DNAH14: variants seen among roughly 807,000 people sequenced by gnomAD.
DNAH14 encodes the protein dynein axonemal heavy chain 14.
Under a neutral mutation model 520.9 loss-of-function variants are expected in DNAH14, and 478 were observed. The observed-to-expected ratio is 0.92, with a 90% confidence interval of 0.85 to 0.99. The LOEUF is 0.99. Ranked by LOEUF, DNAH14 falls within the 50% of genes least tolerant of loss-of-function variation. DNAH14 has a pLI of 0.00. For missense variants in DNAH14, 4,831 were observed against 5,234.5 expected (o/e 0.92, Z 2.38); for synonymous variants, 1,581 against 1,757.2 (o/e 0.90, Z 2.51).
intron 60 of DNAH14, among the ~76,000 whole-genome samples, chr1:225,315,951 C>T (rs2094459695): frequency 6.6e-6 from 1 of 152,198 alleles, no homozygotes; most frequent in South Asian, 2.1e-4. Context: ...GCTGCGGCCA[C>T]AGCTGCCCCT....
chr1:225,374,078 C>CA lies in DNAH14; in HGVS notation c.12319-609dup, dbSNP rs1371977879. On this transcript the variant is annotated intron_variant, in intron 77 of 85. Coordinates refer to ENST00000682510, the MANE Select transcript of DNAH14 (RefSeq NM_001367479.1). ...TAGCCAAGATCACACCACTGCACTC[C>CA]AGCCTGGGCAACAGAGTGAGACCCT... is the stretch of plus-strand genomic sequence containing the variant. 2.2e-5 allele frequency among the ~76,000 whole-genome samples: 3 copies of CA among 137,766 alleles called. No individual in the cohort carries two copies. In the East Asian group the frequency reaches 6.8e-4, roughly 31 times the overall value. 90.4% of individuals were successfully genotyped at this position (137,766 alleles called of 152,430 possible).
chr1:225,329,589 G>A (rs1269735566), intron 64 of DNAH14, among the ~76,000 whole-genome samples: 2 of 152,012 alleles, frequency 1.3e-5, no homozygotes, highest in African/African-American at 2.4e-5. Flanking sequence ...AAATGGTGCT[G>A]GATATCTATA....
At chr1:225,101,703 T>C (rs2075477368) in intron 23 of DNAH14, among the ~76,000 whole-genome samples, 2 of 152,188 alleles carry the variant, frequency 1.3e-5, no homozygotes, top group South Asian at 2.1e-4. Flanking sequence ...TTCTCTTTTA[T>C]GGCCGAATAG....
Position 225,023,138 on chromosome 1 carries a change from A to T in DNAH14, c.1108-477A>T, listed in dbSNP as rs909475382. Among the ~76,000 whole-genome samples the T allele has an allele frequency of 3.9e-5, 6 of 152,102 alleles. No homozygotes were observed. In the East Asian group the frequency reaches 1.2e-3, roughly 29 times the overall value. On this transcript the variant is annotated intron_variant, in intron 10 of 85. Coordinates refer to ENST00000682510, the MANE Select transcript of DNAH14 (RefSeq NM_001367479.1). ...TGGGTTAAAAGGCAACCTATTGTTG[A>T]CTATGCTCACTACCCATGTGATGGG...
intron 77 of DNAH14, among the ~76,000 whole-genome samples, chr1:225,373,853 C>T (rs557523809): frequency 1.3e-5 from 2 of 151,476 alleles, no homozygotes; most frequent in Non-Finnish European, 2.9e-5. Context: ...AGGGCAGGCA[C>T]GGTGCCTCAT....
chr1:225,347,051 T>C (rs1476828417), intron 71 of DNAH14, among the ~76,000 whole-genome samples: 3 of 152,244 alleles, frequency 2.0e-5, no homozygotes, highest in African/African-American at 7.2e-5. Context: ...TATTTAATTA[T>C]TGAATCTTCT....
At chr1:225,167,336 T>A (rs950837549) in intron 35 of DNAH14, among the ~76,000 whole-genome samples, 2 of 152,224 alleles carry the variant, frequency 1.3e-5, no homozygotes, top group Non-Finnish European at 2.9e-5. Flanking sequence ...TAGTTACCAA[T>A]TCTATCTACA....
At chr1:224,955,151 A>C in intron 3 of DNAH14, 53 bp downstream of exon 3, 1 of 1,545,562 alleles carries the variant, frequency 6.5e-7, no homozygotes, top group Non-Finnish European at 8.8e-7. Context: ...TAGTTTATGG[A>C]AATTGAAAGA....
intron 77 of DNAH14, among the ~76,000 whole-genome samples, chr1:225,370,027 C>T (rs1248419466): frequency 6.6e-6 from 1 of 152,064 alleles, no homozygotes; most frequent in African/African-American, 2.4e-5. Flanking sequence ...CGGTGGCTCA[C>T]GCCCATAATC....
chr1:224,956,734 A>G (rs767583585), intron 3 of DNAH14, among the ~76,000 whole-genome samples: 6 of 152,076 alleles, frequency 3.9e-5, no homozygotes, highest in Non-Finnish European at 5.9e-5. Flanking sequence ...GAAGATGGGT[A>G]TATTTGATTT....
chr1:225,127,805 G>A lies in DNAH14; in HGVS notation c.4254+4191G>A, dbSNP rs142560500. Among the ~76,000 whole-genome samples, 1,084 of 152,154 alleles carry A rather than the reference G, an allele frequency of 7.1e-3. 9 individuals carry two copies. The highest frequency in any genetic ancestry group is 0.024 in the African/African-American group (1,015 of 41,514). On this transcript the variant is annotated intron_variant, in intron 27 of 85. Coordinates refer to ENST00000682510, the MANE Select transcript of DNAH14 (RefSeq NM_001367479.1). ...GTTGATGCAGTTTCTTCCTAGTCTCGATGATCTTTACATTTTGGCATGATT... is the reference window on the plus strand; with the variant it reads ...GTTGATGCAGTTTCTTCCTAGTCTCAATGATCTTTACATTTTGGCATGATT...
chr1:225,168,181 T>A (rs1034346432), intron 36 of DNAH14, among the ~76,000 whole-genome samples, 153 bp downstream of exon 36: 3 of 152,168 alleles, frequency 2.0e-5, no homozygotes, highest in Admixed American at 1.3e-4. Flanking sequence ...GGCTTTATTA[T>A]TTGGGTTCCA....
rs41268715 is a variant in DNAH14, at chr1:225,333,399, G to C, written c.9973G>C (p.Glu3325Gln). 0.049 allele frequency: 76,111 copies of C among 1,551,550 alleles called. 2,067 individuals are homozygous for C. Among genetic ancestry groups the C allele is most frequent in the South Asian group, 0.067 (5,592 of 84,056 alleles). Residue 3325 changes from glutamate (E) to glutamine (Q), a missense_variant, in exon 66 of 86, where the codon GAA becomes CAA. By Grantham distance (29) the Glu-to-Gln change is conservative. Transcript: ENST00000682510. ...TGTCTACAGTGGAATTTTAACACCA[G>C]AATTTCGCCAGTTGATTGTGAATAA... The part of the protein sequence containing the change: ...CIVYSGILTP[E>Q]FRQLIVNKWE...
intron 17 of DNAH14, among the ~76,000 whole-genome samples, chr1:225,072,449 G>T (rs1265038941): frequency 1.3e-5 from 2 of 152,122 alleles, no homozygotes; most frequent in Non-Finnish European, 2.9e-5. Flanking sequence ...GTTTTAAGAT[G>T]ATTTTTAGCT....
At chr1:225,023,916 A>C (rs1365219821) in intron 11 of DNAH14, 51 bp downstream of exon 11, 1 of 1,477,222 alleles carries the variant, frequency 6.8e-7, no homozygotes, top group Non-Finnish European at 9.0e-7. Flanking sequence ...TAATATTTTA[A>C]CATTGCCACA....
At chr1:224,976,922 C>T (rs1251864133) in intron 8 of DNAH14, among the ~76,000 whole-genome samples, 8 of 151,444 alleles carry the variant, frequency 5.3e-5, no homozygotes, top group African/African-American at 1.9e-4. Context: ...TTGTGGAAGT[C>T]AGTGTGGCGA....
intron 23 of DNAH14, among the ~76,000 whole-genome samples, chr1:225,114,739 T>C (rs576067432): frequency 6.6e-6 from 1 of 152,258 alleles, no homozygotes; most frequent in East Asian, 1.9e-4. Context: ...AGCTGAGTTA[T>C]GTCCAGTGTT....
chr1:225,360,844 C>T lies in DNAH14; in HGVS notation c.11940C>T (p.Cys3980=), dbSNP rs903385162. ...AACAATGGGTCTTCCTCCAGAACTGCCATCTTGCAACATCATTTATGCCAA... is the reference window on the plus strand; with the variant it reads ...AACAATGGGTCTTCCTCCAGAACTGTCATCTTGCAACATCATTTATGCCAA... ...KTQQWVFLQN[C]HLATSFMPRL... The change falls in exon 75 of 86, where the codon TGC becomes TGT. Residue 3980 remains cysteine, a synonymous_variant. Transcript: ENST00000682510. 4.5e-6 allele frequency: 7 copies of T among 1,551,690 alleles called. No individual in the cohort carries two copies. The highest frequency in any genetic ancestry group is 6.1e-6 in the Non-Finnish European group (7 of 1,146,984).
chr1:225,094,290 G>A (rs1342103600), intron 21 of DNAH14, among the ~76,000 whole-genome samples: 1 of 151,954 alleles, frequency 6.6e-6, no homozygotes, highest in Non-Finnish European at 1.5e-5. Context: ...ACATAGAACA[G>A]TGGAACAGAA....
Sources: allele counts gnomAD v4.1 joint callset (sites outside exome capture counted in the v4.1 genomes callset), GRCh38; gene constraint gnomAD v4.1.1; transcripts MANE v1.5; gene names NCBI Gene and HGNC (gene_info 2026-07-23, HGNC 2026-07-21).